NDEL1: variants seen among roughly 807,000 people sequenced by gnomAD.
The protein encoded by NDEL1 is nuclear distribution protein nudE-like 1.
In NDEL1, 9 loss-of-function variants were observed where a neutral mutation model predicts 45.7. That is an observed-to-expected ratio of 0.20 (90% confidence interval 0.12 to 0.34). The LOEUF is 0.34. Among genes scored for constraint, NDEL1 ranks in the 10% least tolerant of loss-of-function variants. NDEL1 has a pLI of 1.00. For synonymous variants in NDEL1, 133 were observed against 158.6 expected, an observed-to-expected ratio of 0.84 and a Z score of 1.21; for missense variants, 306 against 406.2, an observed-to-expected ratio of 0.75 and a Z score of 2.12.
chr17:8,446,928 GA>G (rs762623920), intron 4 of NDEL1, 26 bp downstream of exon 4: 1 of 1,605,114 alleles, frequency 6.2e-7, no homozygotes, highest in Admixed American at 1.7e-5. Context: ...CATTTTGTTA[GA>G]AAAAAACCAC....
At chr17:8,473,858 TGCCTGAAAATGCA>T (rs1912037177) in intron 3 of NDEL1, among the ~76,000 whole-genome samples, 1 of 152,262 alleles carries the variant, frequency 6.6e-6, no homozygotes, top group African/African-American at 2.4e-5. Flanking sequence ...AATGCGTGTC[TGCCTGAAAATGCA>T]GCCTGAAATG....
At chr17:8,450,637 G>T (rs1910430340) in intron 5 of NDEL1, 143 bp from the exon 6 acceptor site, 2 of 733,246 alleles carry the variant, frequency 2.7e-6, no homozygotes, top group Non-Finnish European at 4.2e-6. Context: ...CCCTAGAAAT[G>T]AAAGTTATAC....
chr17:8,418,857 T>G (rs1041672218), intron 1 of NDEL1, among the ~76,000 whole-genome samples: 2 of 151,592 alleles, frequency 1.3e-5, no homozygotes, highest in Non-Finnish European at 2.9e-5. Flanking sequence ...CTCTCTTCTT[T>G]TTTATTTTTT....
intron 1 of NDEL1, among the ~76,000 whole-genome samples, chr17:8,422,736 T>G (rs1321244943): frequency 6.6e-6 from 1 of 151,158 alleles, no homozygotes; most frequent in Non-Finnish European, 1.5e-5. Context: ...TTTTCTTTTT[T>G]CCTTTTCCTT....
chr17:8,417,069 A>G (rs1908561918), intron 1 of NDEL1, among the ~76,000 whole-genome samples: 1 of 151,940 alleles, frequency 6.6e-6, no homozygotes, highest in Non-Finnish European at 1.5e-5. Flanking sequence ...TGCTCCCTGC[A>G]TTGTGTCTAT....
At chr17:8,435,461 T>A (rs1909217899), upstream of NDEL1, among the ~76,000 whole-genome samples, 1 of 152,220 alleles carries the variant, frequency 6.6e-6, no homozygotes, top group African/African-American at 2.4e-5. Flanking sequence ...CAGAGCTTTG[T>A]GAGAGTGATG....
chr17:8,458,677 G>A (rs1018543483), intron 7 of NDEL1, among the ~76,000 whole-genome samples: 2 of 152,014 alleles, frequency 1.3e-5, no homozygotes, highest in African/African-American at 4.8e-5. Context: ...GTAGGTCATT[G>A]TACTTTTGTC....
intron 7 of NDEL1, among the ~76,000 whole-genome samples, chr17:8,458,147 A>C (rs1475524980): frequency 1.4e-5 from 2 of 142,342 alleles, no homozygotes; most frequent in Non-Finnish European, 3.0e-5. Context: ...TCCTAATTTT[A>C]CTTGAAGCAT....
intron 6 of NDEL1, among the ~76,000 whole-genome samples, chr17:8,452,622 G>C (rs1431953868): frequency 6.6e-6 from 1 of 151,946 alleles, no homozygotes; most frequent in Non-Finnish European, 1.5e-5. Flanking sequence ...TGATCTTTCT[G>C]AAGTGGTCTG....
intron 1 of NDEL1, among the ~76,000 whole-genome samples, chr17:8,430,661 C>A (rs1476694589): frequency 6.6e-6 from 1 of 152,166 alleles, no homozygotes; most frequent in East Asian, 1.9e-4. Context: ...CCAAGAAAGA[C>A]CTTGTACTGG....
At chr17:8,460,185 T>A in intron 8 of NDEL1, 25 bp downstream of exon 8, 1 of 1,598,490 alleles carries the variant, frequency 6.3e-7, no homozygotes, top group Non-Finnish European at 8.5e-7. Flanking sequence ...TTTTAAGTGA[T>A]AATTTTTTGA....
intron 6 of NDEL1, 92 bp downstream of exon 6, chr17:8,451,045 A>G (rs1342584396): frequency 3.1e-6 from 4 of 1,297,274 alleles, no homozygotes; most frequent in Non-Finnish European, 4.1e-6. Context: ...TTTAAAGAGT[A>G]ATTTTAGTTT....
chr17:8,452,738 C>CTTT (rs1201336862), intron 6 of NDEL1, among the ~76,000 whole-genome samples: 1 of 50,444 alleles, frequency 2.0e-5, no homozygotes, highest in Non-Finnish European at 4.2e-5. Flanking sequence ...TCTTTTTCTT[C>CTTT]TCTTTTTTTT....
chr17:8,457,982 T>C (rs1435744198), intron 7 of NDEL1, among the ~76,000 whole-genome samples: 1 of 152,252 alleles, frequency 6.6e-6, no homozygotes, highest in East Asian at 1.9e-4. Flanking sequence ...TTACATACTT[T>C]AAAGCTTCTT....
At chr17:8,452,738 C>CT (rs1201336862) in intron 6 of NDEL1, among the ~76,000 whole-genome samples, 1 of 50,448 alleles carries the variant, frequency 2.0e-5, no homozygotes, top group African/African-American at 6.2e-5. Context: ...TCTTTTTCTT[C>CT]TCTTTTTTTT....
At chr17:8,441,464 A>T (rs1909731309) in intron 1 of NDEL1, among the ~76,000 whole-genome samples, 1 of 152,238 alleles carries the variant, frequency 6.6e-6, no homozygotes, top group Non-Finnish European at 1.5e-5. Context: ...GATGGCTATA[A>T]AGTTATGGAA....
intron 8 of NDEL1, chr17:8,464,778 G>A (rs77247642): frequency 0.014 from 2,070 of 152,602 alleles, 18 homozygotes; most frequent in Non-Finnish European, 0.018. Flanking sequence ...GGAGGCAGCT[G>A]TGGCCCCGAC....
At chr17:8,451,665 AC>A in intron 6 of NDEL1, among the ~76,000 whole-genome samples, 1 of 152,100 alleles carries the variant, frequency 6.6e-6, no homozygotes, top group Non-Finnish European at 1.5e-5. Context: ...CAGAAAAACC[AC>A]CTAGTAGCCA....
Position 8,454,863 on chromosome 17 carries a change from G to T in NDEL1, c.768G>T (p.Val256=). 1 of 1,613,594 alleles carries T rather than the reference G, an allele frequency of 6.2e-7. No homozygotes were observed. The highest frequency in any genetic ancestry group is 1.3e-5 in the African/African-American group (1 of 74,996). ...CTAGGATATCAGCACTAAACATCGT[G>T]GGGGATCTCTTACGGAAAGTAGGGG... The part of the protein sequence containing the change: ...PSARISALNI[V]GDLLRKVGAL... Residue 256 remains valine (V), a synonymous_variant, in exon 7 of 9, where the codon GTG becomes GTT. Transcript: ENST00000334527.
Sources: allele counts gnomAD v4.1 joint callset (sites outside exome capture counted in the v4.1 genomes callset), GRCh38; gene constraint gnomAD v4.1.1; transcripts MANE v1.5; gene names NCBI Gene and HGNC (gene_info 2026-07-23, HGNC 2026-07-21).